Variants in DDX42 observed in about 807,000 individuals in gnomAD.
DDX42 encodes the protein ATP-dependent RNA helicase DDX42.
A neutral mutation model predicts 101.5 loss-of-function variants in DDX42; 22 were observed. That is an observed-to-expected ratio of 0.22 (90% CI 0.15 to 0.31). The LOEUF (loss-of-function observed/expected upper bound fraction) is 0.31, where lower values mean the gene tolerates loss of function less well. Ranked by LOEUF, DDX42 falls within the 10% of genes least tolerant of loss-of-function variation. DDX42 has a pLI of 1.00. For missense variants in DDX42, 849 were observed against 1,199.9 expected (o/e 0.71, Z 4.32); for synonymous variants, 402 against 401.2 (o/e 1.00, Z -0.02).
chr17:63,809,421 T>C, intron 10 of DDX42, 139 bp from the exon 11 acceptor site: 1 of 638,904 alleles, frequency 1.6e-6, no homozygotes, highest in Non-Finnish European at 2.7e-6. Flanking sequence ...AAGTAGTGCA[T>C]AAGGTATGTG....
In DDX42 at chr17:63,783,852, C is replaced by A. The variant is rs191801608; in HGVS notation, c.-16-3182C>A. Among the ~76,000 whole-genome samples, 268 of 152,080 alleles carry A rather than the reference C, an allele frequency of 1.8e-3. 1 individual carries two copies. Among genetic ancestry groups the A allele is most frequent in the African/African-American group, 6.3e-3 (261 of 41,472 alleles). On this transcript the variant is annotated intron_variant, in intron 1 of 17. Transcript: ENST00000389924. ...CCAAGGTGGTTGGATTGATTGAGGT[C>A]GGGAGTACAAGACCAGCCTGCCTAA... is the stretch of plus-strand genomic sequence containing the variant.
At chr17:63,811,379 G>A (rs2039908504) in intron 13 of DDX42, 2 of 467,582 alleles carry the variant, frequency 4.3e-6, no homozygotes, top group Admixed American at 3.8e-5. Flanking sequence ...TAGGTGATGG[G>A]TATGAGTTGA....
At chr17:63,803,074 G>C (rs1040175793) in intron 6 of DDX42, among the ~76,000 whole-genome samples, 1 of 152,130 alleles carries the variant, frequency 6.6e-6, no homozygotes, top group Non-Finnish European at 1.5e-5. Flanking sequence ...GTTAACATTT[G>C]GATGATCTGT....
intron 2 of DDX42, among the ~76,000 whole-genome samples, chr17:63,791,602 C>T (rs1354722022): frequency 2.0e-5 from 3 of 152,102 alleles, no homozygotes; most frequent in Non-Finnish European, 4.4e-5. Context: ...TGAGCCACCA[C>T]GCCTGGCCTG....
At chr17:63,812,712 G>A (rs780963814) in intron 14 of DDX42, among the ~76,000 whole-genome samples, 5 of 152,128 alleles carry the variant, frequency 3.3e-5, no homozygotes, top group Non-Finnish European at 5.9e-5. Context: ...AGAGGGCATG[G>A]CAGATTACTG....
chr17:63,807,975 G>C, intron 9 of DDX42, 75 bp downstream of exon 9: 1 of 1,441,518 alleles, frequency 6.9e-7, no homozygotes, highest in Non-Finnish European at 9.3e-7. Context: ...GAGGTAGAAT[G>C]ACCAGGAAAC....
At position 63,786,657 on chromosome 17, in the gene DDX42, A is replaced by T. The variant is rs1337395564; in HGVS notation, c.-16-377A>T. Among the ~76,000 whole-genome samples, 3 of 152,252 alleles carry T rather than the reference A, an allele frequency of 2.0e-5. No individual in the cohort carries two copies. In the East Asian group the frequency reaches 5.8e-4, roughly 29 times the overall value. On this transcript the variant is annotated intron_variant, in intron 1 of 17. Transcript: ENST00000389924. ...ATTTTAGGTGGAGGTTGGAAGAGAC[A>T]TACAACTCAGTGGGGCTATATACTT...
At chr17:63,777,153 C>T (rs1273328238) in intron 1 of DDX42, among the ~76,000 whole-genome samples, 2 of 152,212 alleles carry the variant, frequency 1.3e-5, no homozygotes, top group African/African-American at 4.8e-5. Flanking sequence ...AAGTGATCCT[C>T]CCACCTTGGC....
At chr17:63,786,426 T>C (rs920686116) in intron 1 of DDX42, among the ~76,000 whole-genome samples, 2 of 152,178 alleles carry the variant, frequency 1.3e-5, no homozygotes, top group Non-Finnish European at 2.9e-5. Flanking sequence ...TCTTTTCTTG[T>C]CTTTTCTTTT....
intron 1 of DDX42, among the ~76,000 whole-genome samples, chr17:63,784,858 G>A (rs1418044249): frequency 6.6e-6 from 1 of 152,088 alleles, no homozygotes; most frequent in Non-Finnish European, 1.5e-5. Flanking sequence ...ATAATTGAAG[G>A]TATGCACAAA....
intron 1 of DDX42, among the ~76,000 whole-genome samples, chr17:63,781,049 T>G (rs2144524018): frequency 6.6e-6 from 1 of 152,308 alleles, no homozygotes; most frequent in East Asian, 1.9e-4. Flanking sequence ...CACTTTCTCC[T>G]TCCTATCATT....
chr17:63,808,009 T>C (rs553351025), intron 9 of DDX42, 109 bp downstream of exon 9: 2 of 1,003,184 alleles, frequency 2.0e-6, no homozygotes, highest in South Asian at 1.8e-5. Flanking sequence ...TGTGATAAGA[T>C]ACACACAAAA....
chr17:63,813,586 A>G lies in DDX42; in HGVS notation c.1902+132A>G, dbSNP rs1306553595. 5.8e-6 allele frequency: 4 copies of G among 695,516 alleles called. No homozygotes were observed. The East Asian group carries it at 1.1e-4, about 19-fold the overall frequency. The allele number at this position is 695,516 out of a possible 1,614,324, so 43.1% of individuals were successfully genotyped here. A position where few individuals can be genotyped will look rare whatever the true frequency, so the allele number is the denominator to read the frequency against. ...GGAGGATGTGGGGCTTATGAGGTAC[A>G]GATAGGAATTGTGAGATACTAAAAT... On this transcript the variant is annotated intron_variant, in intron 15 of 17. Coordinates refer to ENST00000389924, the MANE Select transcript of DDX42 (RefSeq NM_203499.3).
intron 1 of DDX42, among the ~76,000 whole-genome samples, chr17:63,775,519 G>C (rs1249245377): frequency 6.6e-6 from 1 of 152,176 alleles, no homozygotes; most frequent in Non-Finnish European, 1.5e-5. Flanking sequence ...CAATAAAGTG[G>C]TCAGGGAAGT....
intron 2 of DDX42, among the ~76,000 whole-genome samples, chr17:63,790,653 G>C (rs2039615804): frequency 1.3e-5 from 2 of 152,180 alleles, no homozygotes; most frequent in Admixed American, 6.6e-5. Context: ...CCAGCTACTT[G>C]GGAGGCTGAG....
chr17:63,782,706 T>C (rs2144527390), intron 1 of DDX42, among the ~76,000 whole-genome samples: 1 of 152,306 alleles, frequency 6.6e-6, no homozygotes, highest in East Asian at 1.9e-4. Context: ...GTTCAGAATT[T>C]TGTCGCTTTA....
At chr17:63,796,554 G>C (rs1180306723) in intron 3 of DDX42, among the ~76,000 whole-genome samples, 1 of 152,258 alleles carries the variant, frequency 6.6e-6, no homozygotes, top group African/African-American at 2.4e-5. Context: ...GACCTCAGGT[G>C]ATCTGCCCGC....
chr17:63,781,551 G>C (rs918977354), intron 1 of DDX42, among the ~76,000 whole-genome samples: 12 of 151,964 alleles, frequency 7.9e-5, no homozygotes, highest in African/African-American at 1.7e-4. Context: ...CTTCTCTTTA[G>C]TTTTCTGCCT....
chr17:63,807,870 T>A lies in DDX42; in HGVS notation c.993T>A (p.Ile331=), dbSNP rs1358577062. Residue 331 remains isoleucine, a synonymous_variant, in exon 9 of 18, where the codon ATT becomes ATA. Transcript: ENST00000389924. Reference sequence around the variant, plus strand: ...CAGGTGATGGACCAATTGCAGTGATTGTGTGTCCTACCAGGGAGCTTTGCC... The same window carrying A: ...CAGGTGATGGACCAATTGCAGTGATAGTGTGTCCTACCAGGGAGCTTTGCC... The part of the protein sequence containing the change: ...LEPGDGPIAV[I]VCPTRELCQQ... 3 of 1,613,756 alleles carry A rather than the reference T, an allele frequency of 1.9e-6. No individual in the cohort carries two copies.
Sources: allele counts gnomAD v4.1 joint callset (sites outside exome capture counted in the v4.1 genomes callset), GRCh38; gene constraint gnomAD v4.1.1; transcripts MANE v1.5; gene names NCBI Gene and HGNC (gene_info 2026-07-23, HGNC 2026-07-21).